The following C2CD2 variants were observed in gnomAD, a reference collection of about 807,000 sequenced individuals.
The protein encoded by C2CD2 is C2 domain-containing protein 2.
Under a neutral mutation model 74.3 loss-of-function variants are expected in C2CD2, and 43 were observed. The observed-to-expected ratio is 0.58, with a 90% CI of 0.45 to 0.75. C2CD2 has a LOEUF of 0.75. Ranked by LOEUF, C2CD2 falls within the 30% of genes least tolerant of loss-of-function variation. The pLI is 0.00. For missense variants in C2CD2, 801 were observed against 916.3 expected, an observed-to-expected ratio of 0.87 and a Z score of 1.63; for synonymous variants, 422 against 390.7, an observed-to-expected ratio of 1.08 and a Z score of -0.94.
In C2CD2 at chr21:41,903,965, TC is replaced by T. The variant is rs1025935869; in HGVS notation, c.1432+1758del. The stretch of plus-strand genomic sequence containing the variant: ...TCAGCGGCATTAGTACCAGAGCGGC[TC>T]CAGCTCAAATAAGGGCTGGGCAAAA... On this transcript the variant is annotated intron_variant, in intron 11 of 13. Coordinates refer to ENST00000380486, the MANE Select transcript of C2CD2 (RefSeq NM_015500.2). This position sits in a 1 kb window ranked among gnomAD's most constrained non-coding sequence, Gnocchi z 4.5. Among the ~76,000 whole-genome samples, 19 of 152,120 alleles carry T rather than the reference TC, an allele frequency of 1.2e-4. No homozygotes were observed. Among genetic ancestry groups the T allele is most frequent in the African/African-American group, 4.6e-4 (19 of 41,420 alleles).
chr21:41,898,369 C>T (rs779575366), intron 13 of C2CD2, among the ~76,000 whole-genome samples: 3 of 152,162 alleles, frequency 2.0e-5, no homozygotes, highest in African/African-American at 4.8e-5. Context: ...ACATCTGGAA[C>T]GGACCCCAAG....
chr21:41,913,324 G>A (rs2065050302), intron 6 of C2CD2, among the ~76,000 whole-genome samples: 1 of 152,228 alleles, frequency 6.6e-6, no homozygotes, highest in Non-Finnish European at 1.5e-5. Flanking sequence ...AATACACTGT[G>A]GAATCAGTAA....
At chr21:41,914,437 T>C (rs2065064420) in intron 6 of C2CD2, among the ~76,000 whole-genome samples, 161 bp downstream of exon 6, 1 of 152,218 alleles carries the variant, frequency 6.6e-6, no homozygotes, top group South Asian at 2.1e-4. Context: ...CCATCTCTTG[T>C]TCCCGTTACA....
chr21:41,934,287 G>A lies in C2CD2; in HGVS notation c.378+7860C>T, dbSNP rs543522181. Among the ~76,000 whole-genome samples, 7 of 152,152 alleles carry A rather than the reference G, an allele frequency of 4.6e-5. No homozygotes were observed. In the East Asian group the frequency reaches 5.8e-4, roughly 13 times the overall value. ...TACAGAAAAAATAAAAAAACTAGCC[G>A]GGCATGATGCTGCATGTCCGTAGTC... On this transcript the variant is annotated intron_variant, in intron 2 of 13. Coordinates refer to ENST00000380486, the MANE Select transcript of C2CD2 (RefSeq NM_015500.2).
chr21:41,897,931 T>C (rs2064843485), intron 13 of C2CD2, among the ~76,000 whole-genome samples: 1 of 152,160 alleles, frequency 6.6e-6, no homozygotes, highest in South Asian at 2.1e-4. Flanking sequence ...CTCTATTCAC[T>C]AGATGCCGAC....
rs1243570505 is a variant in C2CD2, at chr21:41,905,897, C to T, written c.1319-60G>A. 6.4e-6 allele frequency: 6 copies of T among 933,668 alleles called. No individual in the cohort carries two copies. In the Admixed American group the frequency reaches 8.7e-5, roughly 14 times the overall value. The allele number at this position is 933,668 out of a possible 1,614,324, so 57.8% of individuals were successfully genotyped here. ...CCGTGGCTGACTGGATCAACAGTTA[C>T]CGAAAAGTGAAAGGACAGCCCTCAC... On this transcript the variant is annotated intron_variant, in intron 10 of 13. Coordinates refer to ENST00000380486, the MANE Select transcript of C2CD2 (RefSeq NM_015500.2).
At chr21:41,930,799 C>G (rs2065255462) in intron 2 of C2CD2, among the ~76,000 whole-genome samples, 1 of 150,264 alleles carries the variant, frequency 6.7e-6, no homozygotes, top group Non-Finnish European at 1.5e-5. Flanking sequence ...AGTGAGTGAC[C>G]TGTCACAGCA....
chr21:41,926,492 CAGGCTGAGCGGGG>C lies in C2CD2; in HGVS notation c.379-4420_379-4408del, dbSNP rs1276338695. The C allele has an allele frequency of 2.7e-5, 20 of 740,688 alleles. No individual in the cohort carries two copies. The highest frequency in any genetic ancestry group is 3.0e-5 in the Non-Finnish European group (18 of 606,862). The allele number at this position is 740,688 out of a possible 1,614,324, so 45.9% of individuals were successfully genotyped here. ...GAAAACAAGACTGAAGGCTGAAGAG[CAGGCTGAGCGGGG>C]AGGCCTTCATTCACCTTCTCGGTGC... On this transcript the variant is annotated intron_variant, in intron 2 of 13. Transcript: ENST00000380486. The surrounding 1 kb of genome is among the most constrained non-coding windows in gnomAD (Gnocchi z 8.0).
At chr21:41,936,991 G>C (rs2065313980) in intron 2 of C2CD2, among the ~76,000 whole-genome samples, 2 of 149,516 alleles carry the variant, frequency 1.3e-5, no homozygotes, top group African/African-American at 2.5e-5. Flanking sequence ...GCTAATTTTT[G>C]TACTTTTAGT....
chr21:41,947,882 C>A (rs2065415023), intron 1 of C2CD2, among the ~76,000 whole-genome samples: 1 of 152,198 alleles, frequency 6.6e-6, no homozygotes, highest in African/African-American at 2.4e-5. Flanking sequence ...CCCCACGGGC[C>A]CTTCCACGGG....
chr21:41,949,340 A>G lies in C2CD2; in HGVS notation c.279+4030T>C, dbSNP rs145851046. 2.6e-5 allele frequency among the ~76,000 whole-genome samples: 4 copies of G among 152,304 alleles called. No individual in the cohort carries two copies. The East Asian group carries it at 7.7e-4, about 29-fold the overall frequency. On this transcript the variant is annotated intron_variant, in intron 1 of 13. Transcript: ENST00000380486. ...TCAACTGCTGCTTTTGGATACCATA[A>G]TATTAGTTCTCAGTCTAAGGAGCCT...
intron 13 of C2CD2, among the ~76,000 whole-genome samples, chr21:41,891,776 A>G (rs1314371720): frequency 6.6e-6 from 1 of 152,052 alleles, no homozygotes; most frequent in Non-Finnish European, 1.5e-5. Context: ...TCTAGGGGAA[A>G]TGGAGGCCTA....
At chr21:41,952,027 G>A (rs1015483344) in intron 1 of C2CD2, among the ~76,000 whole-genome samples, 1 of 152,158 alleles carries the variant, frequency 6.6e-6, no homozygotes, top group African/African-American at 2.4e-5. Context: ...GGTCAGTGAT[G>A]GCAGCTTCCT....
chr21:41,949,034 G>A (rs1406258161), intron 1 of C2CD2, among the ~76,000 whole-genome samples: 1 of 151,922 alleles, frequency 6.6e-6, no homozygotes, highest in Admixed American at 6.6e-5. Flanking sequence ...TCCCACTCAG[G>A]TGGGCCGCTA....
rs963235508 is a variant in C2CD2 at position 41,907,847 on chromosome 21, A to G, written c.1019-63T>C. 17 of 1,585,120 alleles carry G rather than the reference A, an allele frequency of 1.1e-5. No homozygotes were observed. The Admixed American group carries it at 2.5e-4, about 23-fold the overall frequency. On this transcript the variant is annotated intron_variant, in intron 8 of 13. Coordinates refer to ENST00000380486, the MANE Select transcript of C2CD2 (RefSeq NM_015500.2). The stretch of plus-strand genomic sequence containing the variant: ...GTTTCCCGGGCTTCCGTGAGGACGG[A>G]AAGGCCCACACGCCCAGCAGCCGGA...
chr21:41,931,271 C>T (rs2065259050), intron 2 of C2CD2, among the ~76,000 whole-genome samples: 1 of 150,428 alleles, frequency 6.6e-6, no homozygotes, highest in Non-Finnish European at 1.5e-5. Flanking sequence ...GCAAGGCAGG[C>T]ACCCAGGAGA....
chr21:41,892,990 C>T lies in C2CD2; in HGVS notation c.1871-3646G>A, dbSNP rs1161053172. 2.0e-5 allele frequency among the ~76,000 whole-genome samples: 3 copies of T among 152,140 alleles called. No individual in the cohort carries two copies. Among genetic ancestry groups the T allele is most frequent in the Non-Finnish European group, 4.4e-5 (3 of 68,028 alleles). Reference sequence around the variant, plus strand: ...AATGGGTGTGGAGACAGGCAAGGCACGGCTGTGTTCAAAAGACCTTAGAAC... The same window carrying T: ...AATGGGTGTGGAGACAGGCAAGGCATGGCTGTGTTCAAAAGACCTTAGAAC... On this transcript the variant is annotated intron_variant, in intron 13 of 13. Coordinates refer to ENST00000380486, the MANE Select transcript of C2CD2 (RefSeq NM_015500.2). This position sits in a 1 kb window ranked among gnomAD's most constrained non-coding sequence, Gnocchi z 4.6.
chr21:41,914,802 TG>T, intron 5 of C2CD2, 81 bp from the exon 6 acceptor site: 3 of 1,255,572 alleles, frequency 2.4e-6, no homozygotes, highest in African/African-American at 1.5e-5. Flanking sequence ...ACTCCTGTTA[TG>T]GGGGGTGGTG....
intron 5 of C2CD2, among the ~76,000 whole-genome samples, chr21:41,915,332 C>A (rs1213805760): frequency 6.6e-6 from 1 of 152,222 alleles, no homozygotes; most frequent in Non-Finnish European, 1.5e-5. Context: ...CATCCTCCAA[C>A]AGACACCAGG....
Sources: allele counts gnomAD v4.1 joint callset (sites outside exome capture counted in the v4.1 genomes callset), GRCh38; gene constraint gnomAD v4.1.1; non-coding constraint Gnocchi (gnomAD v3.1); transcripts MANE v1.5; gene names NCBI Gene and HGNC (gene_info 2026-07-23, HGNC 2026-07-21).